SESN1: variants seen among roughly 807,000 people sequenced by gnomAD.
The protein encoded by SESN1 is sestrin-1.
In SESN1, 30 loss-of-function variants were observed where a neutral mutation model predicts 59.3. That is an observed-to-expected ratio of 0.51 (90% confidence interval 0.38 to 0.69). SESN1 has a LOEUF of 0.69. SESN1 is among the 30% of genes least tolerant of loss of function. The pLI is 0.00. For synonymous variants in SESN1, 197 were observed against 219.9 expected (o/e 0.90, Z 0.92); for missense variants, 566 against 673.0 (o/e 0.84, Z 1.76).
chr6:108,989,831 C>A (rs1779326583), intron 8 of SESN1, among the ~76,000 whole-genome samples: 1 of 152,078 alleles, frequency 6.6e-6, no homozygotes, highest in Non-Finnish European at 1.5e-5. Context: ...GATTTCCAAT[C>A]ACATAGGCAC....
At chr6:109,076,876 T>C (rs1781040100) in intron 1 of SESN1, among the ~76,000 whole-genome samples, 1 of 152,216 alleles carries the variant, frequency 6.6e-6, no homozygotes, top group Admixed American at 6.5e-5. Context: ...GACACAAATA[T>C]ATTCTGAGAA....
intron 1 of SESN1, among the ~76,000 whole-genome samples, chr6:109,025,855 T>A (rs1005942707): frequency 9.9e-5 from 15 of 151,414 alleles, no homozygotes; most frequent in Non-Finnish European, 2.1e-4. Context: ...AATACATATA[T>A]AATTGGAAGG....
chr6:109,004,996 C>T (rs1481749941), intron 1 of SESN1, among the ~76,000 whole-genome samples: 1 of 152,116 alleles, frequency 6.6e-6, no homozygotes, highest in Admixed American at 6.6e-5. Flanking sequence ...TTACTACAAC[C>T]GCTAGGAAGG....
intron 1 of SESN1, among the ~76,000 whole-genome samples, chr6:109,070,862 A>G (rs1466958251): frequency 2.6e-5 from 4 of 152,210 alleles, no homozygotes; most frequent in Non-Finnish European, 2.9e-5. Context: ...TGCATTTCCA[A>G]TATCTTCCCT....
intron 1 of SESN1, among the ~76,000 whole-genome samples, chr6:109,035,885 G>A (rs1008049668): frequency 6.6e-6 from 1 of 152,224 alleles, no homozygotes; most frequent in Admixed American, 6.5e-5. Context: ...TGGGATTACA[G>A]ACGTGACCAC....
intron 4 of SESN1, chr6:108,999,855 C>T (rs68061618): frequency 0.072 from 10,938 of 152,116 alleles, 891 homozygotes; most frequent in African/African-American, 0.2. Flanking sequence ...CAGCTTTATC[C>T]GTAATTGCCC....
chr6:109,008,851 C>T, intron 1 of SESN1: 1 of 985,724 alleles, frequency 1.0e-6, no homozygotes, highest in African/African-American at 1.7e-5. Context: ...TTCCAGGCAA[C>T]ATCATCTCTT....
At chr6:109,052,684 T>G (rs904063178) in intron 1 of SESN1, among the ~76,000 whole-genome samples, 3 of 152,226 alleles carry the variant, frequency 2.0e-5, no homozygotes, top group Admixed American at 6.5e-5. Context: ...TTACTGGCAG[T>G]AGATTATTCT....
At chr6:109,040,889 T>TG (rs749646181) in intron 1 of SESN1, among the ~76,000 whole-genome samples, 12 of 151,980 alleles carry the variant, frequency 7.9e-5, no homozygotes, top group Non-Finnish European at 1.3e-4. Flanking sequence ...CCTGACCTCG[T>TG]GATCTGCCCG....
At chr6:108,998,198 T>G (rs148834639) in intron 5 of SESN1, among the ~76,000 whole-genome samples, 1 of 152,210 alleles carries the variant, frequency 6.6e-6, no homozygotes, top group African/African-American at 2.4e-5. Flanking sequence ...CTCATGTCAC[T>G]GCAGTAGCCA....
rs1254031232 is a variant in SESN1 at position 108,986,522 on chromosome 6, A to C, written c.*1022T>G. On this transcript the variant is annotated 3_prime_UTR_variant, in exon 10 of 10. Coordinates refer to ENST00000436639, the MANE Select transcript of SESN1 (RefSeq NM_014454.3). Reference sequence around the variant, plus strand: ...AGCAATTCACGCTTCCAGAATACAAAGTACTTAATACATATTTTCAAACCT... The same window carrying C: ...AGCAATTCACGCTTCCAGAATACAACGTACTTAATACATATTTTCAAACCT... 6 of 152,690 alleles carry C rather than the reference A, an allele frequency of 3.9e-5. No individual in the cohort carries two copies. Among genetic ancestry groups the C allele is most frequent in the Non-Finnish European group, 8.8e-5 (6 of 68,044 alleles). The allele number at this position is 152,690 out of a possible 1,614,324, so 9.5% of individuals were successfully genotyped here.
At chr6:109,029,839 T>A (rs1180615170) in intron 1 of SESN1, among the ~76,000 whole-genome samples, 1 of 152,176 alleles carries the variant, frequency 6.6e-6, no homozygotes. Context: ...GCTGCTGTTT[T>A]TCCTAGTGAG....
chr6:108,985,278 G>C lies in SESN1; in HGVS notation c.*2266C>G, dbSNP rs191980928. Among the ~76,000 whole-genome samples the C allele has an allele frequency of 4.0e-5, 6 of 149,302 alleles. No homozygotes were observed. The highest frequency in any genetic ancestry group is 4.0e-4 in the Admixed American group (6 of 15,074). The stretch of plus-strand genomic sequence containing the variant: ...CCTAATAAAAAATTTTCCCAAATAC[G>C]GCCAAAACAACTCAAGATTTTAACT... On this transcript the variant is annotated 3_prime_UTR_variant, in exon 10 of 10. Transcript: ENST00000436639.
chr6:109,094,270 T>TGTACAAGGAGAGGG lies in SESN1; in HGVS notation c.-198_-197insCCCTCTCCTTGTAC. The TGTACAAGGAGAGGG allele has an allele frequency of 1.7e-6, 1 of 596,628 alleles. No homozygotes were observed. Among genetic ancestry groups the TGTACAAGGAGAGGG allele is most frequent in the Non-Finnish European group, 2.9e-6 (1 of 343,136 alleles). 37.0% of individuals were successfully genotyped at this position (596,628 alleles called of 1,614,324 possible). On this transcript the variant is annotated 5_prime_UTR_variant, in exon 1 of 10. Coordinates refer to ENST00000436639, the MANE Select transcript of SESN1 (RefSeq NM_014454.3). The stretch of plus-strand genomic sequence containing the variant: ...GCTAGGTCACCCTCTCACCCTCTCC[T>TGTACAAGGAGAGGG]TGTACACGAAAGGGCAGTCTTCTTT...
At chr6:108,990,191 G>C (rs539431785) in intron 8 of SESN1, among the ~76,000 whole-genome samples, 1 of 152,340 alleles carries the variant, frequency 6.6e-6, no homozygotes, top group Admixed American at 6.5e-5. Flanking sequence ...GCAAGGACAT[G>C]AAAGTTTTGC....
intron 6 of SESN1, 120 bp from the exon 7 acceptor site, chr6:108,993,019 A>C (rs1779421731): frequency 1.6e-6 from 1 of 627,796 alleles, no homozygotes; most frequent in African/African-American, 1.8e-5. Context: ...ATATCAACCA[A>C]AGTAGTCTTA....
At chr6:109,033,349 A>G (rs1370508349) in intron 1 of SESN1, among the ~76,000 whole-genome samples, 1 of 152,198 alleles carries the variant, frequency 6.6e-6, no homozygotes, top group African/African-American at 2.4e-5. Flanking sequence ...AAAAAAATTT[A>G]TTTCCCAAGA....
intron 1 of SESN1, chr6:109,009,524 C>G (rs1779814444): frequency 8.5e-7 from 1 of 1,182,322 alleles, no homozygotes; most frequent in Non-Finnish European, 1.0e-6. Flanking sequence ...GCCGCGGCTC[C>G]TGGCTGCAGC....
chr6:108,995,785 A>G (rs1426620346), intron 5 of SESN1, among the ~76,000 whole-genome samples: 1 of 152,188 alleles, frequency 6.6e-6, no homozygotes, highest in Non-Finnish European at 1.5e-5. Context: ...CTTTGTCTCA[A>G]AAAGAGAAAA....
Sources: gnomAD v4.1 joint callset for allele counts (sites outside exome capture counted in the v4.1 genomes callset) on GRCh38, gnomAD v4.1.1 for gene constraint, MANE v1.5 for transcripts, NCBI Gene and HGNC (gene_info 2026-07-23, HGNC 2026-07-21) for gene names.